The following RORC variants were observed in gnomAD, a reference collection of about 807,000 sequenced individuals.
RORC encodes the protein RAR related orphan receptor C.
A neutral mutation model predicts 64.5 loss-of-function variants in RORC; 13 were observed. The ratio of observed to expected loss-of-function variants is 0.20; its 90% confidence interval spans 0.13 to 0.32. The LOEUF (loss-of-function observed/expected upper bound fraction) is 0.32, where lower values mean the gene tolerates loss of function less well. Ranked by LOEUF, RORC falls within the 10% of genes least tolerant of loss-of-function variation. The pLI is 1.00. For synonymous variants in RORC, 277 were observed against 259.3 expected (o/e 1.07, Z -0.65); for missense variants, 468 against 669.5 (o/e 0.70, Z 3.32).
At position 151,813,243 on chromosome 1, in the gene RORC, G is replaced by C; in HGVS notation, c.1170C>G (p.Ala390=). ...GKYGGMELFR[A]LGCSELISSI... ...TCATTTCTCCCTGCCCCTCACCCAA[G>C]GCTCGGAACAGCTCCATGCCACCGT... The change falls in exon 8 of 11, where the codon GCC becomes GCG. Residue 390 remains alanine (A), a synonymous_variant. Transcript: ENST00000318247. 6.2e-7 allele frequency: 1 copy of C among 1,613,634 alleles called. No individual in the cohort carries two copies. The highest frequency in any genetic ancestry group is 8.5e-7 in the Non-Finnish European group (1 of 1,179,566).
In RORC at chr1:151,830,071, C is replaced by A. The variant is rs574474648; in HGVS notation, c.41-613G>T. Among the ~76,000 whole-genome samples the A allele has an allele frequency of 1.8e-4, 27 of 152,196 alleles. No homozygotes were observed. Among genetic ancestry groups the A allele is most frequent in the African/African-American group, 6.5e-4 (27 of 41,518 alleles). Reference sequence around the variant, plus strand: ...AAATCTCTTGGTTGCTTATCTATGCCTGAAAACACCAGGGCTTCAGAGATG... The same window carrying A: ...AAATCTCTTGGTTGCTTATCTATGCATGAAAACACCAGGGCTTCAGAGATG... On this transcript the variant is annotated intron_variant, in intron 1 of 10. Coordinates refer to ENST00000318247, the MANE Select transcript of RORC (RefSeq NM_005060.4). This position sits in a 1 kb window ranked among gnomAD's most constrained non-coding sequence, Gnocchi z 4.0.
chr1:151,821,095 C>G (rs11582525), intron 2 of RORC, among the ~76,000 whole-genome samples: 16,851 of 152,218 alleles, frequency 0.11, 1,330 homozygotes, highest in Admixed American at 0.23. Context: ...ACGGTAGAGG[C>G]AAAGTCCTCC....
chr1:151,815,569 A>G (rs914669015), intron 4 of RORC, 144 bp from the exon 5 acceptor site: 11 of 1,103,450 alleles, frequency 1.0e-5, no homozygotes, highest in East Asian at 2.7e-5. Flanking sequence ...CCTTTAGGGA[A>G]CTTATGCTCA....
Position 151,807,413 on chromosome 1 carries a change from G to T in RORC, c.*59C>A, listed in dbSNP as rs41263728. ...GAAAGGAAAAGGGTGAGGGTGGAAC[G>T]GGGTCCAGGGAGGTGGGCCAGCAGG... On this transcript the variant is annotated 3_prime_UTR_variant, in exon 11 of 11. Coordinates refer to ENST00000318247, the MANE Select transcript of RORC (RefSeq NM_005060.4). The surrounding 1 kb of genome is among the most constrained non-coding windows in gnomAD (Gnocchi z 5.0). 1 of 1,552,330 alleles carries T rather than the reference G, an allele frequency of 6.4e-7. No individual in the cohort carries two copies. The highest frequency in any genetic ancestry group is 8.8e-7 in the Non-Finnish European group (1 of 1,131,310).
Position 151,830,880 on chromosome 1 carries a change from C to G in RORC, c.40+845G>C. 8.1e-7 allele frequency: 1 copy of G among 1,229,960 alleles called. No individual in the cohort carries two copies. 76.2% of individuals were successfully genotyped at this position (1,229,960 alleles called of 1,614,324 possible). A position where few individuals can be genotyped will look rare whatever the true frequency, so the allele number is the denominator to read the frequency against. On this transcript the variant is annotated intron_variant, in intron 1 of 10. Transcript: ENST00000318247. The surrounding 1 kb of genome is among the most constrained non-coding windows in gnomAD (Gnocchi z 4.0). ...CGTGGCACCGGCTCCTGGCCTCTAG[C>G]CTTGCACCTCAGAGCAGTCCTGTGG...
intron 2 of RORC, chr1:151,825,845 A>G (rs1230035996): frequency 6.5e-7 from 1 of 1,533,478 alleles, no homozygotes; most frequent in African/African-American, 1.4e-5. Flanking sequence ...AGATTTGCTC[A>G]CACTGTTCCC....
intron 2 of RORC, 83 bp downstream of exon 2, chr1:151,829,346 C>T: frequency 7.5e-7 from 1 of 1,341,380 alleles, no homozygotes; most frequent in Non-Finnish European, 1.0e-6. Context: ...TGTCCAACCT[C>T]AGTCCCCCCA....
intron 2 of RORC, among the ~76,000 whole-genome samples, chr1:151,829,114 G>C (rs138806560): frequency 7.2e-6 from 1 of 139,344 alleles, no homozygotes; most frequent in African/African-American, 2.8e-5. Flanking sequence ...CCTGGCAGTC[G>C]GCCCCACCCC....
At position 151,807,192 on chromosome 1, in the gene RORC, C is replaced by T. The variant is rs200699424; in HGVS notation, c.*280G>A. 334 of 355,140 alleles carry T rather than the reference C, an allele frequency of 9.4e-4. No homozygotes were observed. The highest frequency in any genetic ancestry group is 6.2e-5 in the African/African-American group (3 of 48,634). 22.0% of individuals were successfully genotyped at this position (355,140 alleles called of 1,614,324 possible). The stretch of plus-strand genomic sequence containing the variant: ...CCCAGAAGTCCTTAAATCCCAGCCA[C>T]CCCATGCCTTCCAGAAGCTGGGTGT... On this transcript the variant is annotated 3_prime_UTR_variant, in exon 11 of 11. Coordinates refer to ENST00000318247, the MANE Select transcript of RORC (RefSeq NM_005060.4). This position sits in a 1 kb window ranked among gnomAD's most constrained non-coding sequence, Gnocchi z 5.0.
In RORC at chr1:151,811,360, G is replaced by A; in HGVS notation, c.1360C>T (p.Leu454Phe). Residue 454 changes from leucine (L) to phenylalanine (F), a missense_variant, in exon 10 of 11, where the codon CTC (leucine) becomes TTC (phenylalanine). Transcript: ENST00000318247. Reference protein sequence around the residue: ...YNLELAFHHHLCKTHRQSILA... With the variant: ...YNLELAFHHHFCKTHRQSILA... ...ATGCTTTGGCGATGAGTCTTGCAGA[G>A]ATGATGATGAAAGGCCAGCTCCAGA... 2 of 1,613,924 alleles carry A rather than the reference G, an allele frequency of 1.2e-6. No homozygotes were observed. Among genetic ancestry groups the A allele is most frequent in the Non-Finnish European group, 1.7e-6 (2 of 1,179,814 alleles).
Position 151,812,932 on chromosome 1 carries a change from C to G in RORC, c.1285+15G>C. On this transcript the variant is annotated intron_variant, in intron 9 of 10. Coordinates refer to ENST00000318247, the MANE Select transcript of RORC (RefSeq NM_005060.4). ...GCCACCTGAATGTCCTTCACCCAAGCCCAGCAACACTCACGGGCATTGATG... is the reference window on the plus strand; with the variant it reads ...GCCACCTGAATGTCCTTCACCCAAGGCCAGCAACACTCACGGGCATTGATG... The G allele has an allele frequency of 6.4e-7, 1 of 1,564,270 alleles. No individual in the cohort carries two copies. The highest frequency in any genetic ancestry group is 8.8e-7 in the Non-Finnish European group (1 of 1,134,866).
rs1446412372 is a variant in RORC, at chr1:151,811,340, T to C, written c.1380A>G (p.Gln460=). The part of the protein sequence containing the change: ...FHHHLCKTHR[Q]SILAKLPPKG... ...CTGCTCCTACCTTTGCCAGGATGCT[T>C]TGGCGATGAGTCTTGCAGAGATGAT... Residue 460 remains glutamine (Q), a synonymous_variant, in exon 10 of 11, where the codon CAA becomes CAG. Transcript: ENST00000318247. 1 of 1,612,806 alleles carries C rather than the reference T, an allele frequency of 6.2e-7. No homozygotes were observed.
chr1:151,813,407 TC>T (rs1326072762), intron 7 of RORC, 61 bp from the exon 8 acceptor site: 17 of 1,606,794 alleles, frequency 1.1e-5, no homozygotes, highest in Admixed American at 3.3e-5. Context: ...TCTGACTCTG[TC>T]CCCCTGATTT....
Position 151,823,563 on chromosome 1 carries a change from C to A in RORC, c.70+5866G>T, listed in dbSNP as rs375233559. Among the ~76,000 whole-genome samples, 55 of 152,330 alleles carry A rather than the reference C, an allele frequency of 3.6e-4. No individual in the cohort carries two copies. In the East Asian group the frequency reaches 6.2e-3, roughly 17 times the overall value. ...TTCCCTTTACTGCCAGTTATCTTTT[C>A]TCTCCGCCTCTCCCTGTGTCTATGT... On this transcript the variant is annotated intron_variant, in intron 2 of 10. Transcript: ENST00000318247.
chr1:151,809,967 C>G (rs1558162868), intron 10 of RORC, among the ~76,000 whole-genome samples: 1 of 152,124 alleles, frequency 6.6e-6, no homozygotes, highest in Non-Finnish European at 1.5e-5. Flanking sequence ...TGATTTGCCC[C>G]TGACCTAATT....
At chr1:151,820,925 T>C (rs1442609305) in intron 2 of RORC, among the ~76,000 whole-genome samples, 1 of 152,196 alleles carries the variant, frequency 6.6e-6, no homozygotes, top group African/African-American at 2.4e-5. Flanking sequence ...TTGGCGATCT[T>C]TTCCTGAGCT....
intron 6 of RORC, chr1:151,813,928 T>C: frequency 3.3e-6 from 1 of 301,378 alleles, no homozygotes; most frequent in Non-Finnish European, 6.2e-6. Context: ...AGCTGCCCCT[T>C]CCCCCACAAA....
chr1:151,830,630 A>ACC lies in RORC; in HGVS notation c.40+1094_40+1095insGG, dbSNP rs879894575. 4.5e-5 allele frequency among the ~76,000 whole-genome samples: 6 copies of ACC among 133,102 alleles called. No homozygotes were observed. Among genetic ancestry groups the ACC allele is most frequent in the Non-Finnish European group, 8.4e-5 (5 of 59,234 alleles). The allele number at this position is 133,102 out of a possible 152,430, so 87.3% of individuals were successfully genotyped here. ...GTCTTGACACCTGACATACACACAC[A>ACC]CACACACACACACACACACACACAC... On this transcript the variant is annotated intron_variant, in intron 1 of 10. Transcript: ENST00000318247. The surrounding 1 kb of genome is among the most constrained non-coding windows in gnomAD (Gnocchi z 4.0).
At chr1:151,812,823 G>A (rs1262827567) in intron 9 of RORC, 124 bp downstream of exon 9, 1 of 633,630 alleles carries the variant, frequency 1.6e-6, no homozygotes. Context: ...TACTGAGTAG[G>A]GCTCATTCTG....
Sources: gnomAD v4.1 joint callset for allele counts (sites outside exome capture counted in the v4.1 genomes callset) on GRCh38, gnomAD v4.1.1 for gene constraint, Gnocchi (gnomAD v3.1) non-coding constraint, MANE v1.5 for transcripts, NCBI Gene and HGNC (gene_info 2026-07-23, HGNC 2026-07-21) for gene names.